The following UBE3D variants were observed in gnomAD, a reference collection of about 807,000 sequenced individuals.
UBE3D encodes ubiquitin protein ligase E3D.
UBE3D carries 48 observed loss-of-function variants against 49.6 expected under a neutral mutation model. That is an observed-to-expected ratio of 0.97 (90% CI 0.77 to 1.23). UBE3D has a LOEUF of 1.23. Ranked by LOEUF, UBE3D falls within the 50% of genes most tolerant of loss-of-function variation. The probability of loss-of-function intolerance (pLI) is 0.00; values close to 1 mark genes in which losing one functional copy is unlikely to be tolerated. For synonymous variants in UBE3D, 189 were observed against 174.2 expected, an observed-to-expected ratio of 1.08 and a Z score of -0.67; for missense variants, 452 against 468.4, an observed-to-expected ratio of 0.96 and a Z score of 0.32.
At position 83,004,084 on chromosome 6, in the gene UBE3D, C is replaced by T. The variant is rs140666617; in HGVS notation, c.1010+14889G>A. Among the ~76,000 whole-genome samples the T allele has an allele frequency of 1.0e-2, 1,517 of 152,260 alleles. 25 individuals carry two copies. The highest frequency in any genetic ancestry group is 0.035 in the African/African-American group (1,439 of 41,568). ...GGCATTGGACTTCTAAAGAAAACCA[C>T]ATTTGTACCCATAAATTCTGATCTA... is the stretch of plus-strand genomic sequence containing the variant. On this transcript the variant is annotated intron_variant, in intron 8 of 9. Coordinates refer to ENST00000369747, the MANE Select transcript of UBE3D (RefSeq NM_198920.3).
chr6:83,040,403 C>A (rs12194069), intron 4 of UBE3D, among the ~76,000 whole-genome samples: 28,046 of 83,118 alleles, frequency 0.34, 2,821 homozygotes, highest in Middle Eastern at 0.38. Context: ...CTCTCTCTCT[C>A]TATATATATA....
chr6:82,884,303 G>A, the UBE3D span, among the ~76,000 whole-genome samples: 2 of 152,056 alleles, frequency 1.3e-5, no homozygotes, highest in Non-Finnish European at 2.9e-5. Context: ...AGGCTTCCAG[G>A]TAGTAGAGGC....
At chr6:83,038,343 T>A (rs560063437) in intron 5 of UBE3D, 73 bp downstream of exon 5, 1 of 1,219,500 alleles carries the variant, frequency 8.2e-7, no homozygotes, top group African/African-American at 1.5e-5. Flanking sequence ...TTCCTATATA[T>A]TTACTATAAA....
chr6:82,916,641 G>GATATGT (rs1376933235), intron 9 of UBE3D, among the ~76,000 whole-genome samples: 1 of 152,136 alleles, frequency 6.6e-6, no homozygotes, highest in Non-Finnish European at 1.5e-5. Flanking sequence ...ATCTGACAAA[G>GATATGT]ATTTAACGAT....
At chr6:83,014,837 G>C (rs754653096) in intron 8 of UBE3D, among the ~76,000 whole-genome samples, 28 of 152,154 alleles carry the variant, frequency 1.8e-4, no homozygotes, top group Admixed American at 3.9e-4. Context: ...CTCAAGTCTG[G>C]AAATTGATTG....
intron 9 of UBE3D, among the ~76,000 whole-genome samples, chr6:82,935,426 A>G (rs1336506154): frequency 6.6e-6 from 1 of 152,146 alleles, no homozygotes; most frequent in Non-Finnish European, 1.5e-5. Flanking sequence ...TTGGATGGGG[A>G]CAAATATTCA....
chr6:83,009,517 C>A (rs1780203082), intron 8 of UBE3D, among the ~76,000 whole-genome samples: 1 of 150,566 alleles, frequency 6.6e-6, no homozygotes, highest in African/African-American at 2.4e-5. Flanking sequence ...AGGTACCAAA[C>A]TTAACCTTTG....
Position 82,951,047 on chromosome 6 carries a change from AG to A in UBE3D, c.1149+6264del, listed in dbSNP as rs755038532. On this transcript the variant is annotated intron_variant, in intron 9 of 9. Coordinates refer to ENST00000369747, the MANE Select transcript of UBE3D (RefSeq NM_198920.3). ...AAGATCTAATATTTGCTAGCACAAC[AG>A]GGTGACTATAGTAAAGAGTAATTTA... Among the ~76,000 whole-genome samples the A allele has an allele frequency of 1.2e-4, 19 of 152,286 alleles. No individual in the cohort carries two copies. In the Middle Eastern group the frequency reaches 0.01, roughly 82 times the overall value.
intron 8 of UBE3D, among the ~76,000 whole-genome samples, chr6:82,997,709 ACT>A (rs554764781): frequency 3.2e-4 from 49 of 152,122 alleles, no homozygotes; most frequent in Admixed American, 3.9e-4. Context: ...ACACAGCAAG[ACT>A]CTGTCTTAAA....
intron 5 of UBE3D, chr6:83,036,718 T>G (rs1199569004): frequency 6.6e-6 from 1 of 151,542 alleles, no homozygotes; most frequent in Non-Finnish European, 1.5e-5. Flanking sequence ...GAATATAAGC[T>G]CTCTCTTTTT....
At chr6:83,011,021 T>C (rs949268699) in intron 8 of UBE3D, among the ~76,000 whole-genome samples, 12 of 152,124 alleles carry the variant, frequency 7.9e-5, no homozygotes, top group South Asian at 6.2e-4. Context: ...CCTGAGATCA[T>C]ACATAATCTT....
intron 8 of UBE3D, among the ~76,000 whole-genome samples, chr6:82,962,962 C>A (rs1316896711): frequency 6.6e-6 from 1 of 152,116 alleles, no homozygotes; most frequent in Non-Finnish European, 1.5e-5. Context: ...AATGTTCATC[C>A]TGCTCTTTCT....
chr6:83,033,308 G>A (rs1348606562), intron 5 of UBE3D, among the ~76,000 whole-genome samples: 1 of 152,076 alleles, frequency 6.6e-6, no homozygotes, highest in African/African-American at 2.4e-5. Flanking sequence ...TCAAAAATTG[G>A]AGATTACATT....
chr6:82,962,340 A>G (rs1307939196), intron 8 of UBE3D, among the ~76,000 whole-genome samples: 4 of 152,176 alleles, frequency 2.6e-5, no homozygotes, highest in Admixed American at 2.6e-4. Context: ...AAAAATGGAC[A>G]CTCAAATAGA....
At chr6:83,027,230 G>A (rs1781525258) in intron 5 of UBE3D, among the ~76,000 whole-genome samples, 2 of 151,704 alleles carry the variant, frequency 1.3e-5, no homozygotes, top group African/African-American at 4.8e-5. Flanking sequence ...AAGGTCAGGA[G>A]TTCAAGACCA....
chr6:82,898,138 A>C (rs1771465681), intron 9 of UBE3D, among the ~76,000 whole-genome samples: 1 of 152,208 alleles, frequency 6.6e-6, no homozygotes, highest in Non-Finnish European at 1.5e-5. Flanking sequence ...GATACCATCA[A>C]ATGCCAGTTA....
At chr6:83,026,495 T>A (rs934875837) in intron 5 of UBE3D, among the ~76,000 whole-genome samples, 4 of 152,068 alleles carry the variant, frequency 2.6e-5, no homozygotes, top group African/African-American at 9.7e-5. Flanking sequence ...ACAAAGTTAT[T>A]TTTTGAAAAA....
intron 1 of UBE3D, among the ~76,000 whole-genome samples, chr6:83,065,383 A>T (rs973749834): frequency 6.6e-6 from 1 of 152,180 alleles, no homozygotes; most frequent in South Asian, 2.1e-4. Flanking sequence ...TTAAAATATA[A>T]GTTTTGATTC....
intron 5 of UBE3D, among the ~76,000 whole-genome samples, chr6:83,034,885 A>C (rs1782133229): frequency 6.6e-6 from 1 of 152,140 alleles, no homozygotes; most frequent in Non-Finnish European, 1.5e-5. Context: ...ATAACTAAAA[A>C]AAAAGAAAAA....
Sources: gnomAD v4.1 joint callset for allele counts (sites outside exome capture counted in the v4.1 genomes callset) on GRCh38, gnomAD v4.1.1 for gene constraint, MANE v1.5 for transcripts, NCBI Gene and HGNC (gene_info 2026-07-23, HGNC 2026-07-21) for gene names.